The following RNF216 variants were observed in gnomAD, a reference collection of about 807,000 sequenced individuals.
RNF216 encodes E3 ubiquitin-protein ligase RNF216.
Under a neutral mutation model 110.8 loss-of-function variants are expected in RNF216, and 72 were observed. The observed-to-expected ratio is 0.65, with a 90% CI of 0.54 to 0.79. The LOEUF (loss-of-function observed/expected upper bound fraction) is 0.79, where lower values mean the gene tolerates loss of function less well. Among genes scored for constraint, RNF216 ranks in the 30% least tolerant of loss-of-function variants. The probability of loss-of-function intolerance (pLI) is 0.00; values close to 1 mark genes in which losing one functional copy is unlikely to be tolerated. For synonymous variants in RNF216, 495 were observed against 407.5 expected (o/e 1.21, Z -2.59); for missense variants, 1,342 against 1,141.2 (o/e 1.18, Z -2.54).
At chr7:5,707,430 GTGTT>G (rs2128625613) in intron 13 of RNF216, among the ~76,000 whole-genome samples, 1 of 152,192 alleles carries the variant, frequency 6.6e-6, no homozygotes, top group Admixed American at 6.5e-5. Flanking sequence ...TCTTTTTGGA[GTGTT>G]TGTTAGTGTA....
intron 1 of RNF216, among the ~76,000 whole-genome samples, chr7:5,764,272 A>G (rs2345863): frequency 0.97 from 147,384 of 151,820 alleles, 71,574 homozygotes; most frequent in Middle Eastern, 0.99. Context: ...GAAACTATAC[A>G]GGCTATTGGA....
intron 13 of RNF216, among the ~76,000 whole-genome samples, chr7:5,677,103 C>G (rs1790348575): frequency 6.6e-6 from 1 of 152,242 alleles, no homozygotes; most frequent in Non-Finnish European, 1.5e-5. Flanking sequence ...TTAGGGCACT[C>G]TGACGTATGG....
chr7:5,721,759 A>C (rs146780227), intron 8 of RNF216, among the ~76,000 whole-genome samples: 1 of 152,344 alleles, frequency 6.6e-6, no homozygotes, highest in Non-Finnish European at 1.5e-5. Context: ...ATGATTTTCA[A>C]CCATTTTTAT....
intron 15 of RNF216, among the ~76,000 whole-genome samples, chr7:5,635,100 G>C (rs377690417): frequency 6.2e-4 from 95 of 152,132 alleles, no homozygotes; most frequent in African/African-American, 2.0e-3. Context: ...GGGATCCTGG[G>C]CTAGTGACCT....
At chr7:5,778,837 G>A (rs1796919753) in intron 1 of RNF216, among the ~76,000 whole-genome samples, 2 of 152,192 alleles carry the variant, frequency 1.3e-5, no homozygotes, top group African/African-American at 2.4e-5. Context: ...TCCGCCTCCC[G>A]AGTTCATGTG....
chr7:5,705,361 C>T (rs748967371), intron 13 of RNF216, among the ~76,000 whole-genome samples: 11 of 152,200 alleles, frequency 7.2e-5, no homozygotes, highest in Admixed American at 2.0e-4. Flanking sequence ...AAACCAGACA[C>T]GCCTGTGAGA....
Position 5,721,048 on chromosome 7 carries a change from G to C in RNF216, c.1629C>G (p.Ile543Met). Residue 543 changes from isoleucine (I) to methionine (M), a missense_variant, in exon 9 of 17, where the codon ATC becomes ATG. Transcript: ENST00000389902. ...ATCTTCCTACCTCTGCCATCTCTTT[G>C]ATTTTCTGCTCATAGAACTCCTGCT... is the stretch of plus-strand genomic sequence containing the variant. ...QQEQEFYEQK[I>M]KEMAEHEDFL... The C allele has an allele frequency of 6.2e-7, 1 of 1,614,170 alleles. No individual in the cohort carries two copies. Among genetic ancestry groups the C allele is most frequent in the Non-Finnish European group, 8.5e-7 (1 of 1,180,034 alleles).
intron 15 of RNF216, among the ~76,000 whole-genome samples, chr7:5,632,701 C>T (rs952226452): frequency 1.3e-5 from 2 of 151,874 alleles, no homozygotes; most frequent in African/African-American, 2.4e-5. Context: ...CGCTTGAACC[C>T]GGGAGGCACA....
intron 1 of RNF216, among the ~76,000 whole-genome samples, chr7:5,767,101 G>A (rs1359247241): frequency 2.6e-5 from 4 of 152,194 alleles, no homozygotes; most frequent in Admixed American, 2.6e-4. Context: ...CTCTGGCCAT[G>A]ACAAAGTATT....
chr7:5,688,305 C>A (rs1791112796), intron 13 of RNF216, among the ~76,000 whole-genome samples: 3 of 152,146 alleles, frequency 2.0e-5, no homozygotes, highest in African/African-American at 7.2e-5. Context: ...CATAAAAAAA[C>A]AGACTCACAT....
At chr7:5,690,357 C>A in intron 13 of RNF216, among the ~76,000 whole-genome samples, 1 of 151,782 alleles carries the variant, frequency 6.6e-6, no homozygotes, top group East Asian at 1.9e-4. Context: ...TTTAAAGATC[C>A]TTTTTACTTC....
chr7:5,699,297 A>T (rs761962683), intron 13 of RNF216, among the ~76,000 whole-genome samples: 1 of 152,212 alleles, frequency 6.6e-6, no homozygotes, highest in Non-Finnish European at 1.5e-5. Flanking sequence ...CTAATGCAGC[A>T]TATCAAAATT....
chr7:5,691,616 G>C (rs1034625028), intron 13 of RNF216, among the ~76,000 whole-genome samples: 2 of 152,134 alleles, frequency 1.3e-5, no homozygotes, highest in Non-Finnish European at 2.9e-5. Context: ...TTCTCCTTAG[G>C]GGCAACATGT....
intron 13 of RNF216, among the ~76,000 whole-genome samples, chr7:5,710,795 G>A (rs1334226657): frequency 6.6e-6 from 1 of 152,054 alleles, no homozygotes; most frequent in African/African-American, 2.4e-5. Context: ...CTTAGCGTAG[G>A]CATCACCTCC....
intron 11 of RNF216, among the ~76,000 whole-genome samples, chr7:5,714,818 G>A (rs912170539): frequency 6.6e-6 from 1 of 152,178 alleles, no homozygotes; most frequent in Non-Finnish European, 1.5e-5. Context: ...GAACGAAGGA[G>A]GTGCTCCTCT....
intron 15 of RNF216, among the ~76,000 whole-genome samples, chr7:5,637,175 G>A (rs558192366): frequency 1.2e-4 from 19 of 152,330 alleles, no homozygotes; most frequent in Non-Finnish European, 2.1e-4. Flanking sequence ...GGCTGAGGAG[G>A]TGAGTCAGCA....
intron 13 of RNF216, among the ~76,000 whole-genome samples, chr7:5,706,477 A>G (rs1792297857): frequency 6.6e-6 from 1 of 152,202 alleles, no homozygotes; most frequent in Non-Finnish European, 1.5e-5. Flanking sequence ...GGAATCGTGC[A>G]GTATCTGTCC....
Position 5,752,859 on chromosome 7 carries a change from ACAT to A in RNF216, c.185_187del (p.Asp62del), listed in dbSNP as rs763709421. 57 of 1,611,710 alleles carry A rather than the reference ACAT, an allele frequency of 3.5e-5. No individual in the cohort carries two copies. The South Asian group carries it at 5.2e-4, about 15-fold the overall frequency. ...AAGAAAACTCACTTCTGTCAGGATG[ACAT>A]CATCATCCAGGTCCTCTTCTTCATG... On this transcript the variant is annotated inframe_deletion, in exon 3 of 17. Transcript: ENST00000389902.
chr7:5,633,145 A>G (rs1424790524), intron 15 of RNF216, among the ~76,000 whole-genome samples: 1 of 151,834 alleles, frequency 6.6e-6, no homozygotes, highest in African/African-American at 2.4e-5. Context: ...TGCCCAGCTA[A>G]TTTTTGTAGT....
Sources: allele counts gnomAD v4.1 joint callset (sites outside exome capture counted in the v4.1 genomes callset), GRCh38; gene constraint gnomAD v4.1.1; transcripts MANE v1.5; gene names NCBI Gene and HGNC (gene_info 2026-07-23, HGNC 2026-07-21).